Variants in KARS1 observed in about 807,000 individuals in gnomAD.
KARS1 encodes lysyl-tRNA synthetase 1.
KARS1 carries 50 observed loss-of-function variants against 63.9 expected under a neutral mutation model. The observed-to-expected ratio is 0.78, with a 90% CI of 0.62 to 0.99. KARS1 has a LOEUF of 0.99. Ranked by LOEUF, KARS1 falls within the 50% of genes least tolerant of loss-of-function variation. The pLI is 0.00. For synonymous variants in KARS1, 320 were observed against 264.6 expected, an observed-to-expected ratio of 1.21 and a Z score of -2.03; for missense variants, 816 against 754.5, an observed-to-expected ratio of 1.08 and a Z score of -0.95.
intron 7 of KARS1, among the ~76,000 whole-genome samples, chr16:75,633,039 A>C (rs954498156): frequency 3.3e-5 from 5 of 152,172 alleles, no homozygotes; most frequent in Non-Finnish European, 7.4e-5. Context: ...GGTTGACCAA[A>C]GATACTGCTC....
Position 75,629,493 on chromosome 16 carries a change from C to G in KARS1, c.1473G>C (p.Met491Ile). 1 of 1,614,218 alleles carries G rather than the reference C, an allele frequency of 6.2e-7. No individual in the cohort carries two copies. The highest frequency in any genetic ancestry group is 2.2e-5 in the East Asian group (1 of 44,884). Residue 491 changes from methionine to isoleucine, a missense_variant, in exon 12 of 14, where the codon ATG becomes ATC. Transcript: ENST00000302445. ...GLTERFELFV[M>I]KKEICNAYTE... is the part of the protein sequence containing the mutation. ...TATACGCATTGCATATCTCTTTCTT[C>G]ATGACAAACAGCTCAAAGCGCTCAG...
In KARS1 at chr16:75,627,907, G is replaced by A. The variant is rs191584337; in HGVS notation, c.1782C>T (p.Gly594=). 414 of 1,585,330 alleles carry A rather than the reference G, an allele frequency of 2.6e-4. 6 individuals carry two copies. In the East Asian group the frequency reaches 7.4e-3, roughly 28 times the overall value. The change falls in exon 14 of 14, where the codon GGC becomes GGT. Residue 594 remains glycine, a synonymous_variant. Coordinates refer to ENST00000302445, the MANE Select transcript of KARS1 (RefSeq NM_005548.3). ...CAATTATTATTTTCTAGACAGAAGT[G>A]CCAACTGTTGTGCTTTCCAGTGTAT... The part of the protein sequence containing the change: ...TTDTLESTTV[G]TSV
Position 75,631,219 on chromosome 16 carries a change from T to C in KARS1, c.1287A>G (p.Ala429=). The change falls in exon 10 of 14, where the codon GCA becomes GCG. Residue 429 remains alanine, a synonymous_variant. Transcript: ENST00000302445. The part of the protein sequence containing the change: ...TRKILDDICV[A]KAVECPPPRT... ...GAGGTGGAGGGCATTCAACAGCTTT[T>C]GCCACACAGATATCATCAAGAATTT... 2.5e-6 allele frequency: 4 copies of C among 1,614,102 alleles called. No homozygotes were observed. The highest frequency in any genetic ancestry group is 3.4e-6 in the Non-Finnish European group (4 of 1,179,996).
chr16:75,644,479 A>C, intron 1 of KARS1: 1 of 1,564,648 alleles, frequency 6.4e-7, no homozygotes, highest in Non-Finnish European at 8.7e-7. Flanking sequence ...GGAAACACAG[A>C]GATGTGGTGT....
intron 1 of KARS1, chr16:75,644,236 AAAT>A (rs1318751705): frequency 6.6e-7 from 1 of 1,525,146 alleles, no homozygotes; most frequent in Admixed American, 1.9e-5. Flanking sequence ...CCAAGTAAGG[AAAT>A]AATTTTTGCT....
chr16:75,644,197 A>G, intron 1 of KARS1: 1 of 1,252,214 alleles, frequency 8.0e-7, no homozygotes, highest in South Asian at 1.3e-5. Context: ...AAGTCCAAAG[A>G]CTTAGCCAGA....
At chr16:75,638,204 A>G (rs1267189442) in intron 3 of KARS1, among the ~76,000 whole-genome samples, 2 of 147,282 alleles carry the variant, frequency 1.4e-5, no homozygotes, top group African/African-American at 4.9e-5. Context: ...ATGCTTAGAA[A>G]AACAAAAAGT....
Position 75,635,618 on chromosome 16 carries a change from G to A in KARS1, c.795+62C>T, listed in dbSNP as rs748744289. 3.8e-6 allele frequency: 6 copies of A among 1,588,702 alleles called. No homozygotes were observed. In the South Asian group the frequency reaches 5.6e-5, roughly 15 times the overall value. On this transcript the variant is annotated intron_variant, in intron 6 of 13. Coordinates refer to ENST00000302445, the MANE Select transcript of KARS1 (RefSeq NM_005548.3). ...GATACGCTTTGGAAAAGGAAGGCAAGGGAGAGGAGGAGGCAAGCATTGCAA... is the reference window on the plus strand; with the variant it reads ...GATACGCTTTGGAAAAGGAAGGCAAAGGAGAGGAGGAGGCAAGCATTGCAA...
intron 3 of KARS1, among the ~76,000 whole-genome samples, chr16:75,637,555 C>T (rs1304170701): frequency 1.3e-5 from 2 of 152,018 alleles, no homozygotes; most frequent in Admixed American, 6.6e-5. Context: ...GCAGGCAGAT[C>T]ACGTAAGGCT....
chr16:75,628,594 A>T lies in KARS1; in HGVS notation c.1670T>A (p.Phe557Tyr). ...WGMGIDRVAM[F>Y]LTDSNNIKEV... ...CTTGATGTTGTTGGAGTCCGTGAGA[A>T]ACATGGCGACTCGATCAATGCCCAT... Residue 557 changes from phenylalanine (F) to tyrosine (Y), a missense_variant, in exon 13 of 14, where the codon TTT (phenylalanine) becomes TAT (tyrosine). By Grantham distance (22) the Phe-to-Tyr change is conservative (BLOSUM62 3). Coordinates refer to ENST00000302445, the MANE Select transcript of KARS1 (RefSeq NM_005548.3). 1 of 1,614,092 alleles carries T rather than the reference A, an allele frequency of 6.2e-7. No homozygotes were observed. The highest frequency in any genetic ancestry group is 1.1e-5 in the South Asian group (1 of 91,082).
At chr16:75,628,068 C>T in intron 13 of KARS1, 75 bp from the exon 14 acceptor site, 1 of 889,808 alleles carries the variant, frequency 1.1e-6, no homozygotes, top group Non-Finnish European at 1.9e-6. Flanking sequence ...ACCCATTCCT[C>T]TTGCCTCTGT....
chr16:75,640,625 G>C (rs966893287), intron 2 of KARS1, among the ~76,000 whole-genome samples: 4 of 152,184 alleles, frequency 2.6e-5, no homozygotes, highest in African/African-American at 9.7e-5. Flanking sequence ...AATTGGTACA[G>C]GTGGCCTTGT....
chr16:75,636,378 G>C (rs2082161759), intron 4 of KARS1, 76 bp downstream of exon 4: 1 of 982,508 alleles, frequency 1.0e-6, no homozygotes, highest in Non-Finnish European at 1.7e-6. Context: ...TCAAATACCA[G>C]TAAGACCACA....
chr16:75,633,875 TAAATC>T (rs1807416695), intron 7 of KARS1: 1 of 373,840 alleles, frequency 2.7e-6, no homozygotes, highest in Admixed American at 3.7e-5. Flanking sequence ...GTGAAAGACT[TAAATC>T]AGATCTAATC....
At chr16:75,644,943 C>G (rs1308842430) in intron 1 of KARS1, among the ~76,000 whole-genome samples, 1 of 152,202 alleles carries the variant, frequency 6.6e-6, no homozygotes, top group Admixed American at 6.5e-5. Context: ...TTGTTTGGAA[C>G]TCTAGGAACA....
chr16:75,642,185 C>CTTTTTTTTTTTTTTTTTTTTT (rs148991591), intron 1 of KARS1, among the ~76,000 whole-genome samples: 1 of 63,170 alleles, frequency 1.6e-5, no homozygotes, highest in African/African-American at 4.0e-5. Flanking sequence ...AGTGCCAGGT[C>CTTTTTTTTTTTTTTTTTTTTT]TTTTTTTTTT....
At chr16:75,641,140 G>T (rs1032232908) in intron 2 of KARS1, among the ~76,000 whole-genome samples, 1 of 151,976 alleles carries the variant, frequency 6.6e-6, no homozygotes, top group African/African-American at 2.4e-5. Context: ...CTCCAGCCTG[G>T]GTGACAGAAT....
At chr16:75,638,810 G>C (rs1449095123) in intron 3 of KARS1, among the ~76,000 whole-genome samples, 1 of 152,172 alleles carries the variant, frequency 6.6e-6, no homozygotes, top group Admixed American at 6.5e-5. Flanking sequence ...AGATGATCCA[G>C]TATGCAGATA....
In KARS1 at chr16:75,635,946, A is replaced by C; in HGVS notation, c.635T>G (p.Met212Arg). The C allele has an allele frequency of 1.2e-6, 2 of 1,614,224 alleles. No homozygotes were observed. Among genetic ancestry groups the C allele is most frequent in the Non-Finnish European group, 1.7e-6 (2 of 1,180,040 alleles). The change falls in exon 5 of 14, where the codon ATG becomes AGG. Residue 212 changes from methionine (M) to arginine (R), a missense_variant. Met to Arg is a moderately conservative substitution (Grantham distance 91, BLOSUM62 -1). Transcript: ENST00000302445. Reference protein sequence around the residue: ...EITLLSPCLHMLPHLHFGLKD... With the variant: ...EITLLSPCLHRLPHLHFGLKD... ...GAGGCCAAAGTGAAGATGAGGTAAC[A>C]TATGCAAACAGGGAGACAGCAGTGT...
Sources: gnomAD v4.1 joint callset for allele counts (sites outside exome capture counted in the v4.1 genomes callset) on GRCh38, gnomAD v4.1.1 for gene constraint, MANE v1.5 for transcripts, NCBI Gene and HGNC (gene_info 2026-07-23, HGNC 2026-07-21) for gene names.